GRID1: variants seen among roughly 807,000 people sequenced by gnomAD.
GRID1 encodes the protein glutamate receptor ionotropic, delta-1.
GRID1 carries 28 observed loss-of-function variants against 98.0 expected under a neutral mutation model. The observed-to-expected ratio is 0.29, with a 90% CI of 0.21 to 0.39. GRID1 has a LOEUF of 0.39. GRID1 is among the 10% of genes least tolerant of loss of function. The pLI is 1.00. For synonymous variants in GRID1, 553 were observed against 538.5 expected (o/e 1.03, Z -0.37); for missense variants, 1,111 against 1,340.5 (o/e 0.83, Z 2.67).
At chr10:86,315,584 C>CT (rs1252554725) in intron 2 of GRID1, among the ~76,000 whole-genome samples, 1 of 152,144 alleles carries the variant, frequency 6.6e-6, no homozygotes, top group Non-Finnish European at 1.5e-5. Context: ...ACCTGATCTG[C>CT]TTCCTGCCCC....
At chr10:85,609,827 T>A (rs1842713806) in intron 15 of GRID1, among the ~76,000 whole-genome samples, 1 of 152,254 alleles carries the variant, frequency 6.6e-6, no homozygotes, top group African/African-American at 2.4e-5. Context: ...TTCATGAATA[T>A]TTTATTCTCA....
intron 4 of GRID1, among the ~76,000 whole-genome samples, chr10:86,063,582 G>T (rs1338048546): frequency 6.6e-6 from 1 of 152,154 alleles, no homozygotes; most frequent in Non-Finnish European, 1.5e-5. Flanking sequence ...AATAAATTAT[G>T]AATAGAACCA....
Position 85,724,559 on chromosome 10 carries a change from T to C in GRID1, c.1651A>G (p.Lys551Glu). 1 of 1,613,676 alleles carries C rather than the reference T, an allele frequency of 6.2e-7. No individual in the cohort carries two copies. The highest frequency in any genetic ancestry group is 1.3e-5 in the African/African-American group (1 of 75,042). Residue 551 changes from lysine to glutamate, a missense_variant, in exon 11 of 16, where the codon AAA (lysine) becomes GAA (glutamate). By Grantham distance (56) the Lys-to-Glu change is moderately conservative. Around this residue, in one of 3 missense-constraint regions of GRID1, gnomAD observed 762 missense variants for 869.1 expected, o/e 0.88. Transcript: ENST00000327946. ...VGILIKKPEE[K>E]ISIFSLFAPF... ...GCAAAGAGGGAGAAGATGCTGATTT[T>C]CTCCTCGGGCTTCTTAATTAGAATC... is the stretch of plus-strand genomic sequence containing the variant.
At chr10:85,661,455 T>A (rs1229393603) in intron 12 of GRID1, among the ~76,000 whole-genome samples, 1 of 152,238 alleles carries the variant, frequency 6.6e-6, no homozygotes, top group Non-Finnish European at 1.5e-5. Context: ...AACTAGAATC[T>A]CATTTTGCAG....
At chr10:86,230,777 G>T (rs1402642059) in intron 2 of GRID1, among the ~76,000 whole-genome samples, 1 of 152,146 alleles carries the variant, frequency 6.6e-6, no homozygotes, top group Non-Finnish European at 1.5e-5. Context: ...TCTCTCCTCT[G>T]TGTTGCCAGA....
At chr10:85,831,381 T>C (rs1397747552) in intron 8 of GRID1, among the ~76,000 whole-genome samples, 5 of 152,064 alleles carry the variant, frequency 3.3e-5, no homozygotes, top group African/African-American at 1.2e-4. Context: ...CAAACCCCCA[T>C]GACATGCAAC....
At chr10:86,233,498 G>A (rs1589420538) in intron 2 of GRID1, among the ~76,000 whole-genome samples, 2 of 152,088 alleles carry the variant, frequency 1.3e-5, no homozygotes, top group African/African-American at 2.4e-5. Flanking sequence ...CCTCATAGGT[G>A]CCCCCTTCTC....
chr10:86,239,529 T>C (rs1846594347), intron 2 of GRID1, among the ~76,000 whole-genome samples: 2 of 152,174 alleles, frequency 1.3e-5, no homozygotes, highest in African/African-American at 4.8e-5. Flanking sequence ...ATGGTTTGGA[T>C]TTGTGTCCCC....
At chr10:85,651,970 G>A (rs1342818172) in intron 12 of GRID1, among the ~76,000 whole-genome samples, 4 of 152,194 alleles carry the variant, frequency 2.6e-5, no homozygotes, top group Non-Finnish European at 5.9e-5. Context: ...AATGCAAGCT[G>A]TTTCTCTGTA....
chr10:85,889,204 C>T (rs943609866), intron 5 of GRID1, among the ~76,000 whole-genome samples: 2 of 152,156 alleles, frequency 1.3e-5, no homozygotes, highest in African/African-American at 2.4e-5. Context: ...ATCCAGGTAA[C>T]GGGTTTCAGC....
intron 4 of GRID1, among the ~76,000 whole-genome samples, chr10:86,007,988 T>C (rs1842883700): frequency 6.6e-6 from 1 of 152,162 alleles, no homozygotes; most frequent in African/African-American, 2.4e-5. Flanking sequence ...GAATTCTGTA[T>C]GGCACTCACT....
At chr10:85,964,116 C>A (rs542151994) in intron 4 of GRID1, among the ~76,000 whole-genome samples, 1 of 152,300 alleles carries the variant, frequency 6.6e-6, no homozygotes, top group East Asian at 1.9e-4. Context: ...CTATAGACCA[C>A]TGCTCAAGGA....
At chr10:85,860,169 C>G (rs1843151447) in intron 6 of GRID1, among the ~76,000 whole-genome samples, 1 of 152,094 alleles carries the variant, frequency 6.6e-6, no homozygotes, top group Non-Finnish European at 1.5e-5. Context: ...TGCCTCCCTC[C>G]CTCATATTGT....
At chr10:86,029,544 G>T (rs149673307) in intron 4 of GRID1, among the ~76,000 whole-genome samples, 3 of 152,216 alleles carry the variant, frequency 2.0e-5, no homozygotes, top group Admixed American at 6.5e-5. Flanking sequence ...TGAACAACAT[G>T]TCCCATCATA....
At chr10:86,221,576 C>T (rs1846255249) in intron 2 of GRID1, among the ~76,000 whole-genome samples, 1 of 152,142 alleles carries the variant, frequency 6.6e-6, no homozygotes, top group African/African-American at 2.4e-5. Context: ...GTCAAGGGGG[C>T]TTCACAGAGG....
chr10:85,778,041 T>G (rs1191856917), intron 8 of GRID1, among the ~76,000 whole-genome samples: 1 of 152,186 alleles, frequency 6.6e-6, no homozygotes, highest in African/African-American at 2.4e-5. Flanking sequence ...ATGGGATCTG[T>G]TGGAAGACAC....
At chr10:85,680,994 G>A (rs573444770) in intron 12 of GRID1, among the ~76,000 whole-genome samples, 10 of 152,254 alleles carry the variant, frequency 6.6e-5, no homozygotes, top group South Asian at 4.1e-4. Context: ...AGGGTGGCAC[G>A]GGGCTGAGGG....
At chr10:85,612,298 A>C (rs1175415499) in intron 15 of GRID1, among the ~76,000 whole-genome samples, 1 of 60,490 alleles carries the variant, frequency 1.7e-5, no homozygotes. Flanking sequence ...TCCCTTCCCC[A>C]AATCAGTCTG....
chr10:86,304,421 C>G (rs1847731611), intron 2 of GRID1, among the ~76,000 whole-genome samples: 1 of 152,266 alleles, frequency 6.6e-6, no homozygotes, highest in African/African-American at 2.4e-5. Context: ...CTTGCTCACC[C>G]CTGGCTCTGC....
Sources: gnomAD v4.1 joint callset for allele counts (sites outside exome capture counted in the v4.1 genomes callset) on GRCh38, gnomAD v4.1.1 for gene constraint, gnomAD v4.1.1 regional missense constraint, MANE v1.5 for transcripts, NCBI Gene and HGNC (gene_info 2026-07-23, HGNC 2026-07-21) for gene names.